The following CSGALNACT1 variants were observed in gnomAD, a reference collection of about 807,000 sequenced individuals.
The protein encoded by CSGALNACT1 is chondroitin sulfate N-acetylgalactosaminyltransferase 1.
In CSGALNACT1, 52 loss-of-function variants were observed where a neutral mutation model predicts 51.0. The ratio of observed to expected loss-of-function variants is 1.02; its 90% CI spans 0.82 to 1.29. The LOEUF (loss-of-function observed/expected upper bound fraction) is 1.29. Among genes scored for constraint, CSGALNACT1 ranks in the 50% most tolerant of loss-of-function variants. CSGALNACT1 has a pLI of 0.00. For missense variants in CSGALNACT1, 935 were observed against 679.2 expected (o/e 1.38, Z -4.19); for synonymous variants, 341 against 254.4 (o/e 1.34, Z -3.24).
At chr8:19,554,660 A>G (rs1378361462) in intron 3 of CSGALNACT1, among the ~76,000 whole-genome samples, 2 of 152,098 alleles carry the variant, frequency 1.3e-5, no homozygotes, top group African/African-American at 2.4e-5. Flanking sequence ...GCTCATGCCT[A>G]AAATTCCAGC....
intron 3 of CSGALNACT1, among the ~76,000 whole-genome samples, chr8:19,548,416 T>C (rs2087012317): frequency 1.3e-5 from 2 of 152,180 alleles, no homozygotes; most frequent in South Asian, 4.1e-4. Flanking sequence ...AGATTATTTT[T>C]CAATATATTC....
chr8:19,653,982 G>C (rs2058051816), intron 1 of CSGALNACT1, among the ~76,000 whole-genome samples: 1 of 152,128 alleles, frequency 6.6e-6, no homozygotes, highest in South Asian at 2.1e-4. Context: ...ACCATGCTAG[G>C]TTCACAGAAA....
At chr8:19,450,952 C>A (rs1382948099) in intron 5 of CSGALNACT1, among the ~76,000 whole-genome samples, 1 of 152,040 alleles carries the variant, frequency 6.6e-6, no homozygotes, top group African/African-American at 2.4e-5. Context: ...AAAAAGGACT[C>A]ACACAGCACA....
chr8:19,452,527 C>T (rs989892066), intron 5 of CSGALNACT1, among the ~76,000 whole-genome samples: 1 of 151,964 alleles, frequency 6.6e-6, no homozygotes, highest in Non-Finnish European at 1.5e-5. Flanking sequence ...AGGGATGAGA[C>T]ATGCTGAGAG....
chr8:19,482,677 G>A, intron 4 of CSGALNACT1, among the ~76,000 whole-genome samples: 1 of 152,022 alleles, frequency 6.6e-6, no homozygotes, highest in Non-Finnish European at 1.5e-5. Flanking sequence ...TAACATAATT[G>A]TGGGTGGTCC....
upstream of CSGALNACT1, among the ~76,000 whole-genome samples, chr8:19,684,345 C>G (rs1249173512): frequency 6.6e-6 from 1 of 152,100 alleles, no homozygotes; most frequent in Non-Finnish European, 1.5e-5. Flanking sequence ...GGTATTGAAG[C>G]AACGGGTTAA....
chr8:19,435,094 T>A (rs1231580326), intron 6 of CSGALNACT1, among the ~76,000 whole-genome samples: 1 of 152,198 alleles, frequency 6.6e-6, no homozygotes, highest in East Asian at 1.9e-4. Flanking sequence ...AGATGATTCC[T>A]CTGAAGGATG....
chr8:19,626,045 A>AT (rs1564289668), intron 1 of CSGALNACT1, among the ~76,000 whole-genome samples: 1 of 152,248 alleles, frequency 6.6e-6, no homozygotes, highest in Non-Finnish European at 1.5e-5. Flanking sequence ...TCCTAGCAAG[A>AT]TTTTTTGTAG....
At chr8:19,651,675 C>G (rs1469643763) in intron 1 of CSGALNACT1, among the ~76,000 whole-genome samples, 1 of 152,060 alleles carries the variant, frequency 6.6e-6, no homozygotes, top group Non-Finnish European at 1.5e-5. Context: ...TGATGGGCAT[C>G]TATGTTAATT....
intron 3 of CSGALNACT1, among the ~76,000 whole-genome samples, chr8:19,585,608 C>T (rs2046448043): frequency 6.6e-6 from 1 of 152,136 alleles, no homozygotes; most frequent in Non-Finnish European, 1.5e-5. Context: ...CTATTAATTC[C>T]CTGATTGGTA....
At chr8:19,549,256 G>C (rs928912687) in intron 3 of CSGALNACT1, among the ~76,000 whole-genome samples, 1 of 151,692 alleles carries the variant, frequency 6.6e-6, no homozygotes, top group South Asian at 2.1e-4. Context: ...ACAATTTTTA[G>C]TAACAATAAT....
intron 3 of CSGALNACT1, among the ~76,000 whole-genome samples, chr8:19,539,403 C>G (rs754301905): frequency 5.3e-5 from 8 of 152,110 alleles, no homozygotes; most frequent in Non-Finnish European, 8.8e-5. Context: ...AAAGCTAAGT[C>G]CATTAGAACA....
At chr8:19,704,214 A>C (rs564890053) in intron 1 of CSGALNACT1, among the ~76,000 whole-genome samples, 23 of 152,320 alleles carry the variant, frequency 1.5e-4, no homozygotes, top group African/African-American at 5.5e-4. Context: ...CACTAAACGA[A>C]TGTGCTGCCA....
intron 1 of CSGALNACT1, among the ~76,000 whole-genome samples, chr8:19,627,042 A>G (rs2054546769): frequency 6.6e-6 from 1 of 152,224 alleles, no homozygotes; most frequent in Non-Finnish European, 1.5e-5. Context: ...CTCAGCAGTC[A>G]TACCCTTGGG....
At chr8:19,606,992 A>T (rs539620806), upstream of CSGALNACT1, among the ~76,000 whole-genome samples, 15 of 152,182 alleles carry the variant, frequency 9.9e-5, no homozygotes, top group Non-Finnish European at 2.1e-4. Flanking sequence ...TGTCTGTACT[A>T]AAAATACAAA....
chr8:19,666,980 A>G lies in CSGALNACT1; in HGVS notation c.-544+15493T>C, dbSNP rs536804896. On this transcript the variant is annotated intron_variant, in intron 1 of 9. Coordinates refer to the CSGALNACT1 transcript ENST00000332246. The stretch of plus-strand genomic sequence containing the variant: ...GAAAGAAAGAAAGAAAGAAAGAAAG[A>G]AAGAAAGAAAGAAAGAAAGAAAGAA... Among the ~76,000 whole-genome samples, 40 of 13,758 alleles carry G rather than the reference A, an allele frequency of 2.9e-3. 1 individual carries two copies. Among genetic ancestry groups the G allele is most frequent in the Admixed American group, 0.018 (19 of 1,068 alleles). 9.0% of individuals were successfully genotyped at this position (13,758 alleles called of 152,430 possible). A position where few individuals can be genotyped will look rare whatever the true frequency, so the allele number is the denominator to read the frequency against.
chr8:19,432,119 G>T (rs1293098901), intron 6 of CSGALNACT1, among the ~76,000 whole-genome samples: 2 of 152,090 alleles, frequency 1.3e-5, no homozygotes, highest in Non-Finnish European at 2.9e-5. Flanking sequence ...CCGCCCCAAG[G>T]ACTCCTCTTA....
At chr8:19,528,470 C>T (rs925247301) in intron 3 of CSGALNACT1, among the ~76,000 whole-genome samples, 9 of 152,120 alleles carry the variant, frequency 5.9e-5, no homozygotes, top group African/African-American at 1.9e-4. Context: ...AACATGTCAC[C>T]CGCAAAATAC....
intron 6 of CSGALNACT1, among the ~76,000 whole-genome samples, chr8:19,434,631 G>T (rs1234008289): frequency 2.6e-5 from 4 of 152,062 alleles, no homozygotes; most frequent in Non-Finnish European, 5.9e-5. Context: ...CAAAGAGTTG[G>T]CACACAAAGC....
Sources: allele counts gnomAD v4.1 joint callset (sites outside exome capture counted in the v4.1 genomes callset), GRCh38; gene constraint gnomAD v4.1.1; transcripts MANE v1.5; gene names NCBI Gene and HGNC (gene_info 2026-07-23, HGNC 2026-07-21).